Variants in FAF2 observed in about 807,000 individuals in gnomAD.
FAF2 encodes Fas associated factor family member 2, also known as FAS-associated factor 2.
FAF2 carries 9 observed loss-of-function variants against 62.3 expected under a neutral mutation model. That is an observed-to-expected ratio of 0.14 (90% CI 0.09 to 0.25). FAF2 has a LOEUF of 0.25. Among genes scored for constraint, FAF2 ranks in the 10% least tolerant of loss-of-function variants. FAF2 has a pLI of 1.00. For missense variants in FAF2, 368 were observed against 556.2 expected (o/e 0.66, Z 3.40); for synonymous variants, 202 against 198.0 (o/e 1.02, Z -0.17).
intron 1 of FAF2, among the ~76,000 whole-genome samples, chr5:176,463,310 C>T (rs1007075444): frequency 1.3e-4 from 19 of 151,402 alleles, no homozygotes; most frequent in African/African-American, 2.4e-4. Flanking sequence ...TCGCTTGGCC[C>T]GGGAGGCAGA....
intron 2 of FAF2, among the ~76,000 whole-genome samples, chr5:176,484,837 A>G (rs1021180000): frequency 6.6e-6 from 1 of 151,562 alleles, no homozygotes; most frequent in Admixed American, 6.6e-5. Context: ...GGTTGCAGTG[A>G]GCTGAGATCA....
chr5:176,476,190 CAG>C (rs1009183478), intron 1 of FAF2, among the ~76,000 whole-genome samples: 1 of 151,920 alleles, frequency 6.6e-6, no homozygotes, highest in African/African-American at 2.4e-5. Context: ...GAGCGGGAGA[CAG>C]AGGTTGCAAG....
chr5:176,468,785 CAA>C (rs796986844), intron 1 of FAF2, among the ~76,000 whole-genome samples: 11 of 131,552 alleles, frequency 8.4e-5, no homozygotes, highest in African/African-American at 2.5e-4. Context: ...CCCAAAAAAA[CAA>C]AAAAAAAAAA....
chr5:176,458,107 A>G (rs1011055877), intron 1 of FAF2, among the ~76,000 whole-genome samples: 22 of 151,922 alleles, frequency 1.4e-4, no homozygotes, highest in Non-Finnish European at 8.8e-5. Context: ...CTCTTCCTTG[A>G]CAGAGTATCT....
chr5:176,489,604 C>T (rs1758936579), intron 4 of FAF2, among the ~76,000 whole-genome samples: 1 of 152,190 alleles, frequency 6.6e-6, no homozygotes, highest in Admixed American at 6.5e-5. Flanking sequence ...GTGCCACCAT[C>T]TCGACTCACT....
intron 1 of FAF2, among the ~76,000 whole-genome samples, chr5:176,475,394 A>G (rs1199826522): frequency 6.6e-6 from 1 of 152,128 alleles, no homozygotes; most frequent in Non-Finnish European, 1.5e-5. Flanking sequence ...GGCTTCCCAC[A>G]GTGCTAGGAT....
chr5:176,500,254 C>T lies in FAF2; in HGVS notation c.1155+108C>T, dbSNP rs1051017666. 1.9e-5 allele frequency: 21 copies of T among 1,112,026 alleles called. No individual in the cohort carries two copies. The Admixed American group carries it at 3.5e-4, about 19-fold the overall frequency. The allele number at this position is 1,112,026 out of a possible 1,614,324, so 68.9% of individuals were successfully genotyped here. A position where few individuals can be genotyped will look rare whatever the true frequency, so the allele number is the denominator to read the frequency against. ...TTGGTGTATCTGCTGCTCTGATGAA[C>T]AGGGAACAGAGAGAGAGAGAGAGAG... On this transcript the variant is annotated intron_variant, in intron 10 of 10. Transcript: ENST00000261942.
At chr5:176,462,639 A>G (rs775928780) in intron 1 of FAF2, among the ~76,000 whole-genome samples, 1 of 152,308 alleles carries the variant, frequency 6.6e-6, no homozygotes, top group Non-Finnish European at 1.5e-5. Flanking sequence ...ATAAAATAAA[A>G]TAGATGTTTA....
chr5:176,490,372 C>T (rs910254289), intron 4 of FAF2, among the ~76,000 whole-genome samples: 3 of 151,670 alleles, frequency 2.0e-5, no homozygotes, highest in African/African-American at 7.3e-5. Flanking sequence ...GCATGTCAGG[C>T]TTGGGTTATC....
chr5:176,484,949 T>C (rs991168543), intron 2 of FAF2, among the ~76,000 whole-genome samples: 54 of 151,718 alleles, frequency 3.6e-4, no homozygotes, highest in African/African-American at 1.2e-3. Flanking sequence ...AAAAAAATTA[T>C]ATGCTGAAGT....
chr5:176,488,870 AGT>A, intron 3 of FAF2, 79 bp from the exon 4 acceptor site: 1 of 1,120,930 alleles, frequency 8.9e-7, no homozygotes, highest in East Asian at 2.4e-5. Flanking sequence ...GACCAAAAAG[AGT>A]GAGAAAATCT....
chr5:176,470,067 C>A (rs1038768433), intron 1 of FAF2, among the ~76,000 whole-genome samples: 4 of 152,150 alleles, frequency 2.6e-5, no homozygotes, highest in Non-Finnish European at 5.9e-5. Flanking sequence ...CCTCAGCATG[C>A]ATACAGTCTA....
intron 1 of FAF2, among the ~76,000 whole-genome samples, chr5:176,455,949 A>C (rs1395215083): frequency 6.6e-6 from 1 of 152,174 alleles, no homozygotes; most frequent in East Asian, 1.9e-4. Context: ...CTTTGACTTC[A>C]GTTAATTGAT....
chr5:176,497,003 A>G, intron 8 of FAF2: 1 of 158,470 alleles, frequency 6.3e-6, no homozygotes, highest in Non-Finnish European at 1.4e-5. Flanking sequence ...AAAATTAGCT[A>G]GGCATGGTGG....
rs1392706837 is a variant in FAF2, at chr5:176,507,971, A to G, written c.*1021A>G. 2 of 152,510 alleles carry G rather than the reference A, an allele frequency of 1.3e-5. No individual in the cohort carries two copies. Among genetic ancestry groups the G allele is most frequent in the African/African-American group, 2.4e-5 (1 of 41,390 alleles). The allele number at this position is 152,510 out of a possible 1,614,324, so 9.4% of individuals were successfully genotyped here. A position where few individuals can be genotyped will look rare whatever the true frequency, so the allele number is the denominator to read the frequency against. ...ATTGCCAAGCCTGGTGCCTTTCCAA[A>G]GGACTAGCAGGGCCTGTGGTGGAGC... is the stretch of plus-strand genomic sequence containing the variant. On this transcript the variant is annotated 3_prime_UTR_variant, in exon 11 of 11. Coordinates refer to ENST00000261942, the MANE Select transcript of FAF2 (RefSeq NM_014613.3).
intron 1 of FAF2, among the ~76,000 whole-genome samples, chr5:176,463,713 G>C (rs193188848): frequency 1.3e-5 from 2 of 151,504 alleles, no homozygotes; most frequent in African/African-American, 2.4e-5. Context: ...TAGAATAAAG[G>C]GTTATTGCAT....
chr5:176,499,892 CT>C, intron 9 of FAF2, 110 bp from the exon 10 acceptor site: 2 of 1,314,576 alleles, frequency 1.5e-6, no homozygotes, highest in East Asian at 4.7e-5. Flanking sequence ...AGAGGTTTTT[CT>C]TAGAATACTT....
At chr5:176,464,938 A>C (rs538470214) in intron 1 of FAF2, among the ~76,000 whole-genome samples, 2 of 152,124 alleles carry the variant, frequency 1.3e-5, no homozygotes, top group Admixed American at 6.6e-5. Context: ...CCCCGGCTAG[A>C]GTGCAGTGGT....
rs958410934 is a variant in FAF2 at position 176,456,870 on chromosome 5, T to G, written c.63+8400T>G. Among the ~76,000 whole-genome samples the G allele has an allele frequency of 2.0e-5, 3 of 152,332 alleles. 1 individual carries two copies. The highest frequency in any genetic ancestry group is 4.1e-4 in the South Asian group (2 of 4,834). On this transcript the variant is annotated intron_variant, in intron 1 of 10. Transcript: ENST00000261942. ...GTTGTAGTTGACATCTTTATGTTGC[T>G]GAATCTGTTCAAGAACATAGTTATA...
Sources: allele counts gnomAD v4.1 joint callset (sites outside exome capture counted in the v4.1 genomes callset), GRCh38; gene constraint gnomAD v4.1.1; transcripts MANE v1.5; gene names NCBI Gene and HGNC (gene_info 2026-07-23, HGNC 2026-07-21).